The following EYA3 variants were observed in gnomAD, a reference collection of about 807,000 sequenced individuals.
The protein encoded by EYA3 is EYA transcriptional coactivator and phosphatase 3.
A neutral mutation model predicts 80.0 loss-of-function variants in EYA3; 39 were observed. The ratio of observed to expected loss-of-function variants is 0.49; its 90% CI spans 0.38 to 0.64. The LOEUF (loss-of-function observed/expected upper bound fraction) is 0.64. Among genes scored for constraint, EYA3 ranks in the 30% least tolerant of loss-of-function variants. The pLI is 0.00. For synonymous variants in EYA3, 206 were observed against 232.8 expected, an observed-to-expected ratio of 0.88 and a Z score of 1.05; for missense variants, 523 against 676.1, an observed-to-expected ratio of 0.77 and a Z score of 2.51.
At chr1:28,050,344 C>T (rs1166346861) in intron 2 of EYA3, among the ~76,000 whole-genome samples, 1 of 151,708 alleles carries the variant, frequency 6.6e-6, no homozygotes, top group Non-Finnish European at 1.5e-5. Flanking sequence ...AGGTGCACAC[C>T]ACCATGCCCA....
intron 17 of EYA3, among the ~76,000 whole-genome samples, chr1:27,975,678 G>A (rs1462985820): frequency 6.6e-6 from 1 of 151,042 alleles, no homozygotes; most frequent in Non-Finnish European, 1.5e-5. Flanking sequence ...GTAGAGATGG[G>A]GTTTCACCGT....
In EYA3 at chr1:28,009,268, A is replaced by G. The variant is rs1410768210; in HGVS notation, c.909+1679T>C. ...GTGTCCATCAACAGATGAATGGATAAACAAAATGTGGTATATACATATAAT... is the reference window on the plus strand; with the variant it reads ...GTGTCCATCAACAGATGAATGGATAGACAAAATGTGGTATATACATATAAT... On this transcript the variant is annotated intron_variant, in intron 10 of 17. Transcript: ENST00000373871. This position sits in a 1 kb window ranked among gnomAD's most constrained non-coding sequence, Gnocchi z 4.8. Among the ~76,000 whole-genome samples, 2 of 152,266 alleles carry G rather than the reference A, an allele frequency of 1.3e-5. No individual in the cohort carries two copies. Among genetic ancestry groups the G allele is most frequent in the Non-Finnish European group, 2.9e-5 (2 of 68,048 alleles).
intron 1 of EYA3, among the ~76,000 whole-genome samples, chr1:28,062,888 G>C (rs1281611416): frequency 6.6e-6 from 1 of 151,818 alleles, no homozygotes; most frequent in African/African-American, 2.4e-5. Flanking sequence ...TGTAATTCCT[G>C]CTACTCAGGA....
chr1:28,010,873 T>C lies in EYA3; in HGVS notation c.909+74A>G, dbSNP rs571531925. The C allele has an allele frequency of 1.6e-5, 25 of 1,538,930 alleles. No homozygotes were observed. The South Asian group carries it at 2.5e-4, about 16-fold the overall frequency. ...CATAGTGCACATTATCTCTGTGAGCTTCAAAAACATGTTTGATAAACTTAA... is the reference window on the plus strand; with the variant it reads ...CATAGTGCACATTATCTCTGTGAGCCTCAAAAACATGTTTGATAAACTTAA... On this transcript the variant is annotated intron_variant, in intron 10 of 17. Coordinates refer to ENST00000373871, the MANE Select transcript of EYA3 (RefSeq NM_001990.4).
chr1:27,989,934 A>T (rs1334803808), intron 14 of EYA3, 123 bp from the exon 15 acceptor site: 4 of 304,416 alleles, frequency 1.3e-5, no homozygotes, highest in South Asian at 4.0e-5. Context: ...GAGTATGTTT[A>T]TATATATATA....
intron 1 of EYA3, 126 bp from the exon 2 acceptor site, chr1:28,058,220 C>T (rs1318044335): frequency 1.7e-5 from 7 of 423,560 alleles, no homozygotes; most frequent in Non-Finnish European, 2.5e-5. Flanking sequence ...ATCACAAAAT[C>T]TCAAACCTGC....
intron 9 of EYA3, among the ~76,000 whole-genome samples, chr1:28,011,999 C>T (rs1385108679): frequency 2.0e-5 from 3 of 152,140 alleles, no homozygotes; most frequent in Non-Finnish European, 2.9e-5. Flanking sequence ...AATACAAATA[C>T]ATTTTGGTAC....
chr1:28,073,103 T>TTCTCTCTC (rs1447435853), intron 1 of EYA3, among the ~76,000 whole-genome samples: 1 of 37,762 alleles, frequency 2.6e-5, no homozygotes, highest in Non-Finnish European at 4.3e-5. Flanking sequence ...GATGAAACTA[T>TTCTCTCTC]TATATATATA....
intron 7 of EYA3, among the ~76,000 whole-genome samples, chr1:28,022,211 C>T (rs967550464): frequency 1.2e-4 from 19 of 152,178 alleles, no homozygotes; most frequent in African/African-American, 3.1e-4. Flanking sequence ...TGCAGTGGCG[C>T]GATCTCGACT....
intron 3 of EYA3, among the ~76,000 whole-genome samples, chr1:28,043,663 C>A (rs113472715): frequency 6.6e-6 from 1 of 152,116 alleles, no homozygotes; most frequent in Admixed American, 6.5e-5. Context: ...CATGGTAAAA[C>A]CCCGTCTCTA....
chr1:28,005,055 T>C (rs547154684), intron 10 of EYA3, among the ~76,000 whole-genome samples: 98 of 152,316 alleles, frequency 6.4e-4, no homozygotes, highest in Non-Finnish European at 1.2e-3. Flanking sequence ...CTATGCACAG[T>C]TGTATACCAA....
At chr1:28,052,814 C>T (rs993350647) in intron 2 of EYA3, among the ~76,000 whole-genome samples, 8 of 151,862 alleles carry the variant, frequency 5.3e-5, no homozygotes, top group African/African-American at 1.9e-4. Context: ...TGGTGGCAGG[C>T]GCCTGTAATC....
intron 7 of EYA3, among the ~76,000 whole-genome samples, chr1:28,022,090 G>C (rs1642478466): frequency 6.6e-6 from 1 of 152,130 alleles, no homozygotes; most frequent in African/African-American, 2.4e-5. Flanking sequence ...TGCCTACTAT[G>C]TGCAAGCACT....
chr1:28,052,545 C>T (rs1644287811), intron 2 of EYA3, among the ~76,000 whole-genome samples: 1 of 152,156 alleles, frequency 6.6e-6, no homozygotes, highest in African/African-American at 2.4e-5. Context: ...AAGCTGAACT[C>T]GTACCTCAAG....
At chr1:27,978,319 T>G in intron 17 of EYA3, 55 bp downstream of exon 17, 1 of 1,312,464 alleles carries the variant, frequency 7.6e-7, no homozygotes, top group Non-Finnish European at 1.1e-6. Flanking sequence ...TTTTTCCCAT[T>G]TTTCTCATTA....
At chr1:28,069,526 A>C (rs1644946617) in intron 1 of EYA3, among the ~76,000 whole-genome samples, 1 of 149,282 alleles carries the variant, frequency 6.7e-6, no homozygotes, top group African/African-American at 2.5e-5. Context: ...CCTGGACAAC[A>C]CAGCAAGAGA....
chr1:28,078,589 A>G (rs1645308343), intron 1 of EYA3, among the ~76,000 whole-genome samples: 1 of 152,134 alleles, frequency 6.6e-6, no homozygotes, highest in East Asian at 1.9e-4. Flanking sequence ...TCTGTTACCC[A>G]GGCTGAAGCG....
intron 10 of EYA3, among the ~76,000 whole-genome samples, chr1:28,008,171 A>C (rs1571783315): frequency 6.6e-6 from 1 of 152,160 alleles, no homozygotes; most frequent in East Asian, 1.9e-4. Context: ...AATTTTTAAT[A>C]GGATGCCAAA....
chr1:28,035,571 T>C lies in EYA3; in HGVS notation c.334A>G (p.Thr112Ala). 6.2e-7 allele frequency: 1 copy of C among 1,614,080 alleles called. No individual in the cohort carries two copies. The highest frequency in any genetic ancestry group is 1.1e-5 in the South Asian group (1 of 91,068). The change falls in exon 6 of 18, where the codon ACC becomes GCC. Residue 112 changes from threonine (T) to alanine (A), a missense_variant. This residue lies in a region of EYA3 where 304 missense variants were observed against 343.3 expected (regional missense o/e 0.89). Transcript: ENST00000373871. ...TQPYAVYPQA[T>A]QTYGLPPFGA... ...AAAGGAGGTAGTCCATACGTTTGGG[T>C]TGCCTGAGGGTAGACAGCATAGGGT...
Sources: allele counts gnomAD v4.1 joint callset (sites outside exome capture counted in the v4.1 genomes callset), GRCh38; gene constraint gnomAD v4.1.1; regional missense constraint gnomAD v4.1.1; non-coding constraint Gnocchi (gnomAD v3.1); transcripts MANE v1.5; gene names NCBI Gene and HGNC (gene_info 2026-07-23, HGNC 2026-07-21).